DENND4C: variants seen among roughly 807,000 people sequenced by gnomAD.
The protein encoded by DENND4C is DENN domain containing 4C, also known as DENN domain-containing protein 4C.
DENND4C carries 108 observed loss-of-function variants against 203.0 expected under a neutral mutation model. The ratio of observed to expected loss-of-function variants is 0.53; its 90% confidence interval spans 0.46 to 0.62. The LOEUF (loss-of-function observed/expected upper bound fraction) is 0.62, where lower values mean the gene tolerates loss of function less well. Among genes scored for constraint, DENND4C ranks in the 20% least tolerant of loss-of-function variants. The pLI, the probability that DENND4C is intolerant of heterozygous loss-of-function variation, is 0.00. For synonymous variants in DENND4C, 871 were observed against 792.4 expected (o/e 1.10, Z -1.67); for missense variants, 2,481 against 2,301.2 (o/e 1.08, Z -1.60).
At chr9:19,254,633 A>C (rs1802013906) in intron 1 of DENND4C, among the ~76,000 whole-genome samples, 1 of 152,140 alleles carries the variant, frequency 6.6e-6, no homozygotes, top group Admixed American at 6.6e-5. Flanking sequence ...CATGGTTACT[A>C]TAGTTGATTA....
chr9:19,336,978 C>T, intron 20 of DENND4C, 146 bp downstream of exon 20: 3 of 785,910 alleles, frequency 3.8e-6, no homozygotes, highest in Non-Finnish European at 5.9e-6. Context: ...TACGAGTCTG[C>T]AGATGACTTC....
chr9:19,298,509 C>G, intron 7 of DENND4C, among the ~76,000 whole-genome samples: 1 of 152,056 alleles, frequency 6.6e-6, no homozygotes. Context: ...TAGTACTGTG[C>G]TAAAGGACCA....
At chr9:19,307,582 C>A (rs1342579160) in intron 10 of DENND4C, among the ~76,000 whole-genome samples, 1 of 151,506 alleles carries the variant, frequency 6.6e-6, no homozygotes. Context: ...CCACCCTGGC[C>A]AACATGGTGA....
At chr9:19,368,268 T>C (rs938473313) in intron 30 of DENND4C, among the ~76,000 whole-genome samples, 8 of 141,386 alleles carry the variant, frequency 5.7e-5, no homozygotes, top group Non-Finnish European at 1.2e-4. Flanking sequence ...TTTTTTTTTT[T>C]TTTTTTTTCG....
chr9:19,268,091 A>T lies in DENND4C; in HGVS notation c.-17-8067A>T, dbSNP rs1025785960. On this transcript the variant is annotated intron_variant, in intron 1 of 32. Coordinates refer to ENST00000434457, the MANE Select transcript of DENND4C (RefSeq NM_001330640.2). The stretch of plus-strand genomic sequence containing the variant: ...CTTTTATGTTTTGTGTATGTGTTGT[A>T]GGTTTTTGGGTATTTTTTTTTTTTC... Among the ~76,000 whole-genome samples, 37 of 134,948 alleles carry T rather than the reference A, an allele frequency of 2.7e-4. 1 individual carries two copies. The highest frequency in any genetic ancestry group is 9.1e-4 in the African/African-American group (35 of 38,384). 88.5% of individuals were successfully genotyped at this position (134,948 alleles called of 152,430 possible). A position where few individuals can be genotyped will look rare whatever the true frequency, so the allele number is the denominator to read the frequency against.
chr9:19,243,861 G>T (rs1191592413), intron 1 of DENND4C, among the ~76,000 whole-genome samples: 1 of 152,122 alleles, frequency 6.6e-6, no homozygotes, highest in South Asian at 2.1e-4. Flanking sequence ...ACCCAGACTG[G>T]AGTACAGTGG....
At chr9:19,350,064 C>CA (rs983000738) in intron 23 of DENND4C, among the ~76,000 whole-genome samples, 4 of 151,880 alleles carry the variant, frequency 2.6e-5, no homozygotes, top group Non-Finnish European at 5.9e-5. Context: ...ATTTTTAAAG[C>CA]AAAAAAACCT....
chr9:19,327,140 C>T (rs1331767968), intron 15 of DENND4C, among the ~76,000 whole-genome samples: 1 of 151,856 alleles, frequency 6.6e-6, no homozygotes, highest in African/African-American at 2.4e-5. Flanking sequence ...CTATAGAATT[C>T]TTTTCTGCTT....
At chr9:19,310,268 A>G (rs1840484253) in intron 10 of DENND4C, among the ~76,000 whole-genome samples, 1 of 152,216 alleles carries the variant, frequency 6.6e-6, no homozygotes, top group Non-Finnish European at 1.5e-5. Flanking sequence ...TAGGATCGCT[A>G]GTGTAATGTT....
chr9:19,348,290 G>C (rs761754168), intron 23 of DENND4C, among the ~76,000 whole-genome samples: 2 of 152,196 alleles, frequency 1.3e-5, no homozygotes, highest in Non-Finnish European at 2.9e-5. Context: ...TGAAGTCAGA[G>C]AGATTGGCTC....
rs1225723304 is a variant in DENND4C, at chr9:19,346,465, T to C, written c.3696T>C (p.Ser1232=). 4.3e-6 allele frequency: 7 copies of C among 1,613,966 alleles called. No homozygotes were observed. Among genetic ancestry groups the C allele is most frequent in the African/African-American group, 2.7e-5 (2 of 74,908 alleles). ...CCAAAGATCTGAGGAATAAGAGAAGTAGTTTATATGGTATTGCTAAGGTGG... is the reference window on the plus strand; with the variant it reads ...CCAAAGATCTGAGGAATAAGAGAAGCAGTTTATATGGTATTGCTAAGGTGG... The part of the protein sequence containing the change: ...TVSKDLRNKR[S]SLYGIAKVVQ... Residue 1232 remains serine (S), a synonymous_variant, in exon 23 of 33, where the codon AGT becomes AGC. Coordinates refer to ENST00000434457, the MANE Select transcript of DENND4C (RefSeq NM_001330640.2).
chr9:19,339,872 A>G (rs1391728651), intron 20 of DENND4C, among the ~76,000 whole-genome samples: 1 of 152,058 alleles, frequency 6.6e-6, no homozygotes, highest in Admixed American at 6.6e-5. Context: ...TTTCTTATTT[A>G]TTATCAGTAT....
Position 19,262,262 on chromosome 9 carries a change from T to C in DENND4C, c.-17-13896T>C, listed in dbSNP as rs183357140. Among the ~76,000 whole-genome samples the C allele has an allele frequency of 6.6e-5, 10 of 151,746 alleles. No homozygotes were observed. The East Asian group carries it at 1.2e-3, about 18-fold the overall frequency. ...CCAGCATGCCTGGCTAATTTTTGTATTTTTAGTAGAGATGGGGGTTTCACC... is the reference window on the plus strand; with the variant it reads ...CCAGCATGCCTGGCTAATTTTTGTACTTTTAGTAGAGATGGGGGTTTCACC... On this transcript the variant is annotated intron_variant, in intron 1 of 32. Transcript: ENST00000434457.
intron 1 of DENND4C, among the ~76,000 whole-genome samples, chr9:19,265,674 A>T (rs1056219936): frequency 1.3e-5 from 2 of 152,008 alleles, no homozygotes; most frequent in Admixed American, 6.6e-5. Flanking sequence ...TTATTGTTCA[A>T]TTCCCACCTA....
intron 1 of DENND4C, among the ~76,000 whole-genome samples, chr9:19,267,771 T>A (rs2130777865): frequency 1.3e-5 from 2 of 152,154 alleles, no homozygotes; most frequent in South Asian, 2.1e-4. Flanking sequence ...ATTCCTGGGG[T>A]CTAGCAATCC....
At chr9:19,325,813 G>A (rs528084143) in intron 13 of DENND4C, 126 bp from the exon 14 acceptor site, 1 of 844,056 alleles carries the variant, frequency 1.2e-6, no homozygotes, top group Non-Finnish European at 1.9e-6. Flanking sequence ...AAAATATACT[G>A]TGCATGTTTT....
chr9:19,286,429 C>G (rs1835228930), intron 2 of DENND4C, among the ~76,000 whole-genome samples: 1 of 152,130 alleles, frequency 6.6e-6, no homozygotes, highest in African/African-American at 2.4e-5. Context: ...GGTGAAACTT[C>G]TAGGAATTGA....
chr9:19,300,116 T>C (rs1838253975), intron 8 of DENND4C, 71 bp from the exon 9 acceptor site: 1 of 1,433,610 alleles, frequency 7.0e-7, no homozygotes, highest in Non-Finnish European at 9.4e-7. Flanking sequence ...GTTGATACTT[T>C]AATAAGCAAA....
At chr9:19,279,842 G>GA (rs914021310) in intron 2 of DENND4C, among the ~76,000 whole-genome samples, 30 of 151,306 alleles carry the variant, frequency 2.0e-4, no homozygotes, top group African/African-American at 5.6e-4. Flanking sequence ...TGCCTCAGAA[G>GA]AAAAAAAAAT....
Sources: allele counts gnomAD v4.1 joint callset (sites outside exome capture counted in the v4.1 genomes callset), GRCh38; gene constraint gnomAD v4.1.1; transcripts MANE v1.5; gene names NCBI Gene and HGNC (gene_info 2026-07-23, HGNC 2026-07-21).